Variants in TOPAZ1 observed in about 807,000 individuals in gnomAD.
TOPAZ1 encodes testis and ovary specific TOPAZ 1.
In TOPAZ1, 66 loss-of-function variants were observed where a neutral mutation model predicts 172.2. The observed-to-expected ratio is 0.38, with a 90% CI of 0.31 to 0.47. The LOEUF is 0.47. Among genes scored for constraint, TOPAZ1 ranks in the 20% least tolerant of loss-of-function variants. TOPAZ1 has a pLI of 0.99. For synonymous variants in TOPAZ1, 681 were observed against 683.9 expected (o/e 1.00, Z 0.07); for missense variants, 1,822 against 1,972.4 (o/e 0.92, Z 1.44).
chr3:44,258,570 A>G (rs1233229969), intron 4 of TOPAZ1, among the ~76,000 whole-genome samples: 1 of 151,830 alleles, frequency 6.6e-6, no homozygotes, highest in Non-Finnish European at 1.5e-5. Flanking sequence ...TAACCTCTTC[A>G]GATTGGTTTC....
At chr3:44,278,868 A>G (rs562976463) in intron 8 of TOPAZ1, among the ~76,000 whole-genome samples, 4 of 130,460 alleles carry the variant, frequency 3.1e-5, no homozygotes, top group East Asian at 4.4e-4. Context: ...CTTTCCTTCT[A>G]CTAGTTTTGG....
At chr3:44,269,500 T>C (rs1242921338) in intron 7 of TOPAZ1, among the ~76,000 whole-genome samples, 199 bp downstream of exon 7, 3 of 108,632 alleles carry the variant, frequency 2.8e-5, no homozygotes, top group African/African-American at 9.8e-5. Context: ...TTTTTTTTTT[T>C]TTGAGACGGA....
At chr3:44,308,161 G>A (rs2125700688) in intron 15 of TOPAZ1, among the ~76,000 whole-genome samples, 1 of 152,156 alleles carries the variant, frequency 6.6e-6, no homozygotes, top group East Asian at 1.9e-4. Context: ...GGGAGGCTGA[G>A]GCAGGAGAAT....
At chr3:44,246,699 G>C (rs1199381822) in intron 2 of TOPAZ1, among the ~76,000 whole-genome samples, 1 of 152,174 alleles carries the variant, frequency 6.6e-6, no homozygotes, top group Non-Finnish European at 1.5e-5. Flanking sequence ...TCTAAACCTA[G>C]TGATTGTCTT....
intron 18 of TOPAZ1, among the ~76,000 whole-genome samples, chr3:44,326,282 G>C (rs1193218114): frequency 1.3e-5 from 2 of 152,136 alleles, no homozygotes; most frequent in East Asian, 3.9e-4. Flanking sequence ...CCGTGTACGG[G>C]ATTTCCTGTT....
intron 12 of TOPAZ1, among the ~76,000 whole-genome samples, chr3:44,302,137 G>A (rs1236440963): frequency 2.0e-5 from 3 of 152,124 alleles, no homozygotes; most frequent in East Asian, 3.9e-4. Context: ...TTGGCTGGGC[G>A]TGGTGGCTCA....
intron 18 of TOPAZ1, among the ~76,000 whole-genome samples, chr3:44,323,821 A>G (rs1376733738): frequency 6.6e-6 from 1 of 152,228 alleles, no homozygotes; most frequent in African/African-American, 2.4e-5. Flanking sequence ...TCTCTAACAA[A>G]TAAGCCTGGA....
chr3:44,288,091 C>G (rs1700098901), intron 11 of TOPAZ1, among the ~76,000 whole-genome samples: 1 of 152,088 alleles, frequency 6.6e-6, no homozygotes, highest in South Asian at 2.1e-4. Flanking sequence ...TTCGTCTCTA[C>G]TCCGTAAGGA....
chr3:44,321,313 T>C (rs1700504096), intron 17 of TOPAZ1, 122 bp downstream of exon 17: 1 of 675,296 alleles, frequency 1.5e-6, no homozygotes. Flanking sequence ...TTTAATGAAG[T>C]AGTTTTCTGT....
chr3:44,254,917 G>A, intron 2 of TOPAZ1, 51 bp from the exon 3 acceptor site: 1 of 1,364,156 alleles, frequency 7.3e-7, no homozygotes. Context: ...GAAGTGGATA[G>A]TTCTGCTTAG....
intron 8 of TOPAZ1, among the ~76,000 whole-genome samples, chr3:44,275,432 G>A (rs1317844917): frequency 6.6e-6 from 1 of 151,840 alleles, no homozygotes; most frequent in African/African-American, 2.4e-5. Flanking sequence ...TAGCTCCCAC[G>A]TAAGAGTGAG....
At chr3:44,247,094 G>C (rs1165090190) in intron 2 of TOPAZ1, among the ~76,000 whole-genome samples, 1 of 152,052 alleles carries the variant, frequency 6.6e-6, no homozygotes, top group East Asian at 1.9e-4. Context: ...AAAGTAAAAA[G>C]CGGTGTTGGG....
intron 16 of TOPAZ1, among the ~76,000 whole-genome samples, chr3:44,312,969 G>A (rs1343276750): frequency 1.3e-5 from 2 of 151,294 alleles, no homozygotes; most frequent in East Asian, 3.9e-4. Flanking sequence ...CTTTAATGTT[G>A]TTATACCGAC....
At chr3:44,275,232 C>T (rs1699940553) in intron 8 of TOPAZ1, among the ~76,000 whole-genome samples, 1 of 151,972 alleles carries the variant, frequency 6.6e-6, no homozygotes, top group Admixed American at 6.5e-5. Context: ...CTTCTAGCTA[C>T]TTTGAAATAC....
At position 44,305,335 on chromosome 3, in the gene TOPAZ1, A is replaced by G. The variant is rs987600129; in HGVS notation, c.4039+14A>G. 1.2e-5 allele frequency: 19 copies of G among 1,521,040 alleles called. No homozygotes were observed. In the African/African-American group the frequency reaches 1.8e-4, roughly 15 times the overall value. 94.2% of individuals were successfully genotyped at this position (1,521,040 alleles called of 1,614,324 possible). A position where few individuals can be genotyped will look rare whatever the true frequency, so the allele number is the denominator to read the frequency against. On this transcript the variant is annotated intron_variant, in intron 14 of 19. Coordinates refer to ENST00000309765, the MANE Select transcript of TOPAZ1 (RefSeq NM_001145030.2). ...TTGCTGAAACAGGTAAAATGTAACT[A>G]TTGGCCTGAATATTGTGTATGAGGA...
Position 44,321,605 on chromosome 3 carries a change from A to G in TOPAZ1, c.4471+414A>G, listed in dbSNP as rs934950547. On this transcript the variant is annotated intron_variant, in intron 17 of 19. Transcript: ENST00000309765. ...AAACAGATGCCAAGTTCAAACGCCAATGTGGGAAATGGTAGTCAGTACTCT... is the reference window on the plus strand; with the variant it reads ...AAACAGATGCCAAGTTCAAACGCCAGTGTGGGAAATGGTAGTCAGTACTCT... 4.0e-4 allele frequency among the ~76,000 whole-genome samples: 61 copies of G among 152,220 alleles called. 1 individual carries two copies. The highest frequency in any genetic ancestry group is 2.8e-3 in the Admixed American group (43 of 15,286).
At chr3:44,263,887 T>G (rs1194474525) in intron 5 of TOPAZ1, among the ~76,000 whole-genome samples, 1 of 152,204 alleles carries the variant, frequency 6.6e-6, no homozygotes, top group Non-Finnish European at 1.5e-5. Flanking sequence ...GTAAAATTGC[T>G]TATGTAGGAT....
intron 2 of TOPAZ1, among the ~76,000 whole-genome samples, chr3:44,248,435 T>C (rs1162460408): frequency 6.6e-6 from 1 of 152,214 alleles, no homozygotes; most frequent in African/African-American, 2.4e-5. Flanking sequence ...AGTTTCTGTT[T>C]TTAAACAAAC....
At chr3:44,333,676 CAG>C (rs1227138985), downstream of TOPAZ1, among the ~76,000 whole-genome samples, 2 of 152,134 alleles carry the variant, frequency 1.3e-5, no homozygotes, top group Non-Finnish European at 2.9e-5. Flanking sequence ...CTGGAACAAA[CAG>C]AGGCATTTTT....
Sources: allele counts gnomAD v4.1 joint callset (sites outside exome capture counted in the v4.1 genomes callset), GRCh38; gene constraint gnomAD v4.1.1; transcripts MANE v1.5; gene names NCBI Gene and HGNC (gene_info 2026-07-23, HGNC 2026-07-21).